ZNF684: variants seen among roughly 807,000 people sequenced by gnomAD.
ZNF684 encodes zinc finger protein 684, also known as hypothetical protein MGC27466.
In ZNF684, 13 loss-of-function variants were observed where a neutral mutation model predicts 12.8. That is an observed-to-expected ratio of 1.02 (90% CI 0.66 to 1.62). ZNF684 has a LOEUF of 1.62. ZNF684 is among the 40% of genes most tolerant of loss of function. The pLI is 0.00. For missense variants in ZNF684, 384 were observed against 446.9 expected, an observed-to-expected ratio of 0.86 and a Z score of 1.27; for synonymous variants, 118 against 151.8, an observed-to-expected ratio of 0.78 and a Z score of 1.64.
At chr1:40,532,246 A>G (rs1645961962) in intron 1 of ZNF684, among the ~76,000 whole-genome samples, 2 of 152,100 alleles carry the variant, frequency 1.3e-5, no homozygotes, top group Admixed American at 6.6e-5. Flanking sequence ...TGCTATTACC[A>G]TTTTGCATAT....
intron 2 of ZNF684, among the ~76,000 whole-genome samples, chr1:40,536,971 C>T (rs951643065): frequency 6.6e-6 from 1 of 151,952 alleles, no homozygotes; most frequent in East Asian, 1.9e-4. Context: ...CCGCAATAAA[C>T]ATACGTGTGC....
rs778235970 is a variant in ZNF684, at chr1:40,547,299, C to T, written c.976C>T (p.Pro326Ser). 8.1e-6 allele frequency: 13 copies of T among 1,614,016 alleles called. No homozygotes were observed. Among genetic ancestry groups the T allele is most frequent in the African/African-American group, 6.7e-5 (5 of 74,912 alleles). ...CCAAAGAATTCATACAGGAGAGAAA[C>T]CTTACAGTTGTATTGAATGTGGCAA... ...THQRIHTGEK[P>S]YSCIECGKAF... Residue 326 changes from proline (P) to serine (S), a missense_variant, in exon 5 of 5, where the codon CCT (proline) becomes TCT (serine). Coordinates refer to ENST00000372699, the MANE Select transcript of ZNF684 (RefSeq NM_152373.4).
At chr1:40,535,447 T>C (rs748958274) in intron 2 of ZNF684, among the ~76,000 whole-genome samples, 1 of 152,164 alleles carries the variant, frequency 6.6e-6, no homozygotes, top group Non-Finnish European at 1.5e-5. Flanking sequence ...TGCAAAAAAA[T>C]CTGAGTATAA....
At chr1:40,540,298 G>C (rs1035076331) in intron 2 of ZNF684, among the ~76,000 whole-genome samples, 4 of 152,100 alleles carry the variant, frequency 2.6e-5, no homozygotes, top group African/African-American at 9.7e-5. Context: ...AAAATGGATG[G>C]GGAGTTCAGT....
intron 2 of ZNF684, among the ~76,000 whole-genome samples, chr1:40,538,514 G>C (rs981185152): frequency 6.6e-6 from 1 of 152,056 alleles, no homozygotes; most frequent in African/African-American, 2.4e-5. Context: ...AATTCTCGTG[G>C]GTATATACCT....
chr1:40,537,976 A>G (rs963994501), intron 2 of ZNF684, among the ~76,000 whole-genome samples: 24 of 152,116 alleles, frequency 1.6e-4, no homozygotes, highest in African/African-American at 5.1e-4. Context: ...GAAATATGTA[A>G]TCTTTCATGA....
intron 4 of ZNF684, 72 bp downstream of exon 4, chr1:40,541,782 C>G (rs1646018093): frequency 8.0e-7 from 1 of 1,250,038 alleles, no homozygotes; most frequent in South Asian, 1.3e-5. Context: ...ACAGGAAGTT[C>G]TGAAATACTC....
Position 40,547,591 on chromosome 1 carries a change from A to C in ZNF684, c.*131A>C. The C allele has an allele frequency of 1.3e-6, 1 of 750,912 alleles. No homozygotes were observed. The highest frequency in any genetic ancestry group is 2.0e-6 in the Non-Finnish European group (1 of 497,314). 46.5% of individuals were successfully genotyped at this position (750,912 alleles called of 1,614,324 possible). On this transcript the variant is annotated 3_prime_UTR_variant, in exon 5 of 5. Transcript: ENST00000372699. ...AGTAGATTCCCATAAAAAACAACCAATGCCAATCATGTTCTGGAAGTGATA... is the reference window on the plus strand; with the variant it reads ...AGTAGATTCCCATAAAAAACAACCACTGCCAATCATGTTCTGGAAGTGATA...
intron 2 of ZNF684, among the ~76,000 whole-genome samples, chr1:40,534,926 A>G (rs1645976534): frequency 1.3e-5 from 2 of 152,132 alleles, no homozygotes; most frequent in Non-Finnish European, 2.9e-5. Context: ...CTAGAAGATC[A>G]AGGCTATAGC....
At chr1:40,543,531 A>G (rs536174364) in intron 4 of ZNF684, among the ~76,000 whole-genome samples, 1 of 148,790 alleles carries the variant, frequency 6.7e-6, no homozygotes, top group South Asian at 2.1e-4. Flanking sequence ...ATCTGGGCTC[A>G]CTGCAAGCTC....
rs760928751 is a variant in ZNF684 at position 40,547,471 on chromosome 1, A to G, written c.*11A>G. 4 of 1,577,260 alleles carry G rather than the reference A, an allele frequency of 2.5e-6. No homozygotes were observed. In the Admixed American group the frequency reaches 5.5e-5, roughly 22 times the overall value. ...AAAATTCATACATAATATTCACTTT[A>G]TGAATATGAGAAGGCCTTATTAAAT... On this transcript the variant is annotated 3_prime_UTR_variant, in exon 5 of 5. Coordinates refer to ENST00000372699, the MANE Select transcript of ZNF684 (RefSeq NM_152373.4).
Position 40,535,372 on chromosome 1 carries a change from A to AT in ZNF684, c.15+2200dup, listed in dbSNP as rs545336155. On this transcript the variant is annotated intron_variant, in intron 2 of 4. Coordinates refer to ENST00000372699, the MANE Select transcript of ZNF684 (RefSeq NM_152373.4). ...GGGTTTTGCATGGCAAGAATACTGT[A>AT]TTTTTTTTTATCTGCATTTGGTTGT... Among the ~76,000 whole-genome samples, 69 of 151,586 alleles carry AT rather than the reference A, an allele frequency of 4.6e-4. 3 individuals are homozygous for AT. The South Asian group carries it at 9.4e-3, about 21-fold the overall frequency.
intron 2 of ZNF684, among the ~76,000 whole-genome samples, chr1:40,534,538 G>A (rs971759458): frequency 1.3e-5 from 2 of 151,896 alleles, no homozygotes; most frequent in East Asian, 1.9e-4. Context: ...ACCGCACCCG[G>A]CCCTTTTATT....
chr1:40,541,792 C>A, intron 4 of ZNF684, 82 bp downstream of exon 4: 1 of 1,145,840 alleles, frequency 8.7e-7, no homozygotes, highest in South Asian at 1.3e-5. Context: ...CTGAAATACT[C>A]TTAGAAGCAC....
Position 40,540,658 on chromosome 1 carries a change from A to G in ZNF684, c.88A>G (p.Arg30Gly). The part of the protein sequence containing the change: ...EEWQLLDCAE[R>G]TLYWDVMLEN... The stretch of plus-strand genomic sequence containing the variant: ...GTGGCAGCTGCTTGATTGTGCTGAG[A>G]GAACCCTGTATTGGGATGTGATGTT... Residue 30 changes from arginine to glycine, a missense_variant, in exon 3 of 5, where the codon AGA becomes GGA. Arg to Gly is a moderately radical substitution (Grantham distance 125). Coordinates refer to ENST00000372699, the MANE Select transcript of ZNF684 (RefSeq NM_152373.4). 6.2e-7 allele frequency: 1 copy of G among 1,612,706 alleles called. No individual in the cohort carries two copies. The highest frequency in any genetic ancestry group is 8.5e-7 in the Non-Finnish European group (1 of 1,179,350).
intron 4 of ZNF684, among the ~76,000 whole-genome samples, chr1:40,546,151 G>C (rs549993322): frequency 6.6e-6 from 1 of 152,202 alleles, no homozygotes; most frequent in East Asian, 1.9e-4. Context: ...TTGATCTCTT[G>C]ACCTCATGAT....
chr1:40,547,383 C>G lies in ZNF684; in HGVS notation c.1060C>G (p.Pro354Ala), dbSNP rs527472866. 4.3e-6 allele frequency: 7 copies of G among 1,614,096 alleles called. No individual in the cohort carries two copies. Among genetic ancestry groups the G allele is most frequent in the Non-Finnish European group, 5.9e-6 (7 of 1,179,998 alleles). ...TCAGATAACTCATACAGGAGAGAAG[C>G]CCTATGAATGTAACAGATGTGGGAA... The part of the protein sequence containing the change: ...RHQITHTGEK[P>A]YECNRCGKAF... Residue 354 changes from proline (P) to alanine (A), a missense_variant, in exon 5 of 5, where the codon CCC (proline) becomes GCC (alanine). By Grantham distance (27) the Pro-to-Ala change is conservative. Transcript: ENST00000372699.
At chr1:40,542,167 T>C (rs1013565959) in intron 4 of ZNF684, among the ~76,000 whole-genome samples, 2 of 152,224 alleles carry the variant, frequency 1.3e-5, no homozygotes, top group Admixed American at 1.3e-4. Flanking sequence ...AATAGGAACA[T>C]TAATCCTTAC....
chr1:40,536,506 G>C (rs1031656621), intron 2 of ZNF684, among the ~76,000 whole-genome samples: 2 of 146,252 alleles, frequency 1.4e-5, no homozygotes, highest in African/African-American at 5.0e-5. Context: ...TACAGTCTCA[G>C]TAACATCTTT....
Sources: allele counts gnomAD v4.1 joint callset (sites outside exome capture counted in the v4.1 genomes callset), GRCh38; gene constraint gnomAD v4.1.1; transcripts MANE v1.5; gene names NCBI Gene and HGNC (gene_info 2026-07-23, HGNC 2026-07-21).